FNBP1: variants seen among roughly 807,000 people sequenced by gnomAD.
FNBP1 encodes the protein formin binding protein 1, also known as formin-binding protein 1.
In FNBP1, 26 loss-of-function variants were observed where a neutral mutation model predicts 90.6. The ratio of observed to expected loss-of-function variants is 0.29; its 90% CI spans 0.21 to 0.40. The LOEUF (loss-of-function observed/expected upper bound fraction) is 0.40, where lower values mean the gene tolerates loss of function less well. Ranked by LOEUF, FNBP1 falls within the 10% of genes least tolerant of loss-of-function variation. The pLI is 1.00. For missense variants in FNBP1, 635 were observed against 768.0 expected (o/e 0.83, Z 2.05); for synonymous variants, 260 against 265.2 (o/e 0.98, Z 0.19).
intron 10 of FNBP1, among the ~76,000 whole-genome samples, chr9:129,922,287 C>T (rs961400160): frequency 6.6e-6 from 1 of 152,220 alleles, no homozygotes; most frequent in Non-Finnish European, 1.5e-5. Context: ...CATTGGATGG[C>T]TGCATCAATT....
At chr9:129,925,593 T>A (rs1428037057) in intron 8 of FNBP1, among the ~76,000 whole-genome samples, 7 of 4,346 alleles carry the variant, frequency 1.6e-3, no homozygotes, top group South Asian at 5.7e-3. Flanking sequence ...TAGTAGCTTT[T>A]TTTTTTTTTT....
chr9:129,890,925 G>A lies in FNBP1; in HGVS notation c.1847-379C>T, dbSNP rs1436904275. On this transcript the variant is annotated intron_variant, in intron 16 of 16. Coordinates refer to ENST00000446176, the MANE Select transcript of FNBP1 (RefSeq NM_015033.3). The surrounding 1 kb of genome is among the most constrained non-coding windows in gnomAD (Gnocchi z 5.8). The stretch of plus-strand genomic sequence containing the variant: ...TAATCCCAGCACTTTGGGAGCCTGA[G>A]GCAGGCAGATCACGAGGTCAGGAGT... Among the ~76,000 whole-genome samples, 1 of 151,938 alleles carries A rather than the reference G, an allele frequency of 6.6e-6. No individual in the cohort carries two copies. The highest frequency in any genetic ancestry group is 1.5e-5 in the Non-Finnish European group (1 of 67,964).
chr9:129,912,867 T>C (rs532210275), intron 11 of FNBP1, among the ~76,000 whole-genome samples: 2 of 152,316 alleles, frequency 1.3e-5, no homozygotes, highest in South Asian at 4.1e-4. Context: ...GCATTTGAAA[T>C]GTGGCTGGTG....
In FNBP1 at chr9:129,900,503, C is replaced by A; in HGVS notation, c.1473G>T (p.Glu491Asp). ...EVEGRLPARS[E>D]QARRQSGLYD... ...ACAGTCCGCTCTGCCGGCGCGCCTG[C>A]TCGCTGCGTGCTGGGAGCCGGCCTT... is the stretch of plus-strand genomic sequence containing the variant. Residue 491 changes from glutamate to aspartate, a missense_variant, in exon 14 of 17, where the codon GAG becomes GAT. Transcript: ENST00000446176. The surrounding 1 kb of genome is among the most constrained non-coding windows in gnomAD (Gnocchi z 4.1). The A allele has an allele frequency of 6.3e-7, 1 of 1,598,592 alleles. No individual in the cohort carries two copies. The highest frequency in any genetic ancestry group is 8.5e-7 in the Non-Finnish European group (1 of 1,173,866).
intron 10 of FNBP1, among the ~76,000 whole-genome samples, chr9:129,920,139 G>A (rs1322620944): frequency 6.6e-6 from 1 of 152,072 alleles, no homozygotes; most frequent in African/African-American, 2.4e-5. Context: ...TTTAACCTCA[G>A]GAAAATAAAC....
chr9:130,000,892 A>G (rs999954828), intron 1 of FNBP1, among the ~76,000 whole-genome samples: 2 of 152,226 alleles, frequency 1.3e-5, no homozygotes, highest in African/African-American at 4.8e-5. Context: ...ACTCAGGATC[A>G]TGTATTTTAG....
At chr9:130,005,565 T>A (rs986532278) in intron 1 of FNBP1, among the ~76,000 whole-genome samples, 4 of 152,062 alleles carry the variant, frequency 2.6e-5, no homozygotes, top group African/African-American at 9.7e-5. Flanking sequence ...ATGGTCTTGA[T>A]CTCCCGACCT....
chr9:129,919,871 C>T (rs978613484), intron 10 of FNBP1, among the ~76,000 whole-genome samples: 2 of 152,184 alleles, frequency 1.3e-5, no homozygotes, highest in Non-Finnish European at 2.9e-5. Context: ...AAGGGCTGTA[C>T]CATGTTGGTC....
chr9:129,977,711 C>T (rs1005338165), intron 4 of FNBP1, among the ~76,000 whole-genome samples: 2 of 152,030 alleles, frequency 1.3e-5, no homozygotes, highest in Admixed American at 6.6e-5. Flanking sequence ...AGCCTGATCG[C>T]GAACTCCTTA....
At position 129,888,583 on chromosome 9, in the gene FNBP1, G is replaced by T. The variant is rs2034877053; in HGVS notation, c.*1956C>A. On this transcript the variant is annotated 3_prime_UTR_variant, in exon 17 of 17. Transcript: ENST00000446176. ...GCAGGGACCGGAAGTCCATGGCTCT[G>T]CCGCAACCCTGAGCGGTTTGCAGTC... The T allele has an allele frequency of 4.3e-6, 1 of 232,928 alleles. No individual in the cohort carries two copies. The highest frequency in any genetic ancestry group is 8.5e-6 in the Non-Finnish European group (1 of 117,878). 14.4% of individuals were successfully genotyped at this position (232,928 alleles called of 1,614,324 possible).
chr9:130,038,608 G>A (rs984099150), intron 1 of FNBP1, among the ~76,000 whole-genome samples: 3 of 151,972 alleles, frequency 2.0e-5, no homozygotes, highest in African/African-American at 7.2e-5. Flanking sequence ...TCTTGGTCCG[G>A]CTGGTCTCAA....
chr9:129,936,295 T>A (rs7039157), intron 6 of FNBP1: 48 of 152,200 alleles, frequency 3.2e-4, no homozygotes, highest in African/African-American at 1.1e-3. Context: ...GGGGGCTCAA[T>A]CTAGATTTTA....
At chr9:130,010,390 C>T (rs2056386619) in intron 1 of FNBP1, among the ~76,000 whole-genome samples, 2 of 152,150 alleles carry the variant, frequency 1.3e-5, no homozygotes, top group Non-Finnish European at 2.9e-5. Context: ...TAAACACGTA[C>T]TGAGAAAGGT....
At chr9:129,940,141 T>C (rs964697740) in intron 6 of FNBP1, among the ~76,000 whole-genome samples, 1 of 152,130 alleles carries the variant, frequency 6.6e-6, no homozygotes, top group African/African-American at 2.4e-5. Context: ...TTCGAGGCTA[T>C]AGTGAGCTAT....
intron 4 of FNBP1, among the ~76,000 whole-genome samples, chr9:129,968,753 T>A (rs79809357): frequency 0.025 from 3,855 of 152,264 alleles, 177 homozygotes; most frequent in African/African-American, 0.087. Flanking sequence ...AGGTCTGAGG[T>A]TTATAAACAT....
intron 1 of FNBP1, among the ~76,000 whole-genome samples, chr9:130,023,695 G>C (rs1265352949): frequency 2.0e-5 from 3 of 151,818 alleles, no homozygotes; most frequent in Non-Finnish European, 4.4e-5. Context: ...AGGTGATCTG[G>C]GTTCCTAAGT....
intron 11 of FNBP1, among the ~76,000 whole-genome samples, chr9:129,911,474 C>G (rs2039264593): frequency 6.6e-6 from 1 of 152,162 alleles, no homozygotes. Context: ...TCAATCATGT[C>G]TATCTGATGA....
At chr9:130,043,910 T>C (rs1342554720), upstream of FNBP1, among the ~76,000 whole-genome samples, 1 of 152,224 alleles carries the variant, frequency 6.6e-6, no homozygotes. Context: ...CCGCACGTGC[T>C]GGCCGGGCGG....
At chr9:129,892,504 T>A (rs1185620446) in intron 16 of FNBP1, among the ~76,000 whole-genome samples, 1 of 151,514 alleles carries the variant, frequency 6.6e-6, no homozygotes, top group Non-Finnish European at 1.5e-5. Context: ...ATCAGATGGG[T>A]TGAAGGAGGG....
Sources: allele counts gnomAD v4.1 joint callset (sites outside exome capture counted in the v4.1 genomes callset), GRCh38; gene constraint gnomAD v4.1.1; non-coding constraint Gnocchi (gnomAD v3.1); transcripts MANE v1.5; gene names NCBI Gene and HGNC (gene_info 2026-07-23, HGNC 2026-07-21).